MEGF9: variants seen among roughly 807,000 people sequenced by gnomAD.
MEGF9 encodes multiple EGF like domains 9.
A neutral mutation model predicts 46.8 loss-of-function variants in MEGF9; 6 were observed. That is an observed-to-expected ratio of 0.13 (90% CI 0.07 to 0.25). MEGF9 has a LOEUF of 0.25. Among genes scored for constraint, MEGF9 ranks in the 10% least tolerant of loss-of-function variants. MEGF9 has a pLI of 1.00. For missense variants in MEGF9, 683 were observed against 792.4 expected (o/e 0.86, Z 1.66); for synonymous variants, 302 against 330.7 (o/e 0.91, Z 0.94).
chr9:120,706,871 G>A (rs918852735), intron 1 of MEGF9, among the ~76,000 whole-genome samples: 8 of 152,100 alleles, frequency 5.3e-5, no homozygotes, highest in African/African-American at 1.7e-4. Context: ...GAAAATTCTG[G>A]GAGATGAATG....
At position 120,604,353 on chromosome 9, in the gene MEGF9, A is replaced by C. The variant is rs191156105; in HGVS notation, c.*837T>G. 20 of 152,630 alleles carry C rather than the reference A, an allele frequency of 1.3e-4. No homozygotes were observed. The highest frequency in any genetic ancestry group is 4.3e-4 in the African/African-American group (18 of 41,572). 9.5% of individuals were successfully genotyped at this position (152,630 alleles called of 1,614,324 possible). On this transcript the variant is annotated 3_prime_UTR_variant, in exon 6 of 6. Transcript: ENST00000373930. ...CAATCCCCATATTTTTCTTTTTACA[A>C]CACCATTAACTGCTGTACAAATAAA...
At chr9:120,624,872 CAA>C (rs35120272) in intron 2 of MEGF9, among the ~76,000 whole-genome samples, 8,298 of 104,068 alleles carry the variant, frequency 0.08, 665 homozygotes, top group African/African-American at 0.27. Flanking sequence ...GACTCCGTCT[CAA>C]AAAAAAAAAA....
rs568461124 is a variant in MEGF9, at chr9:120,604,852, G to A, written c.*338C>T. ...TTTCCCCCTCCACATTCATCATCTTGTTACCACTGGCTTGGTGAATGCTTC... is the reference window on the plus strand; with the variant it reads ...TTTCCCCCTCCACATTCATCATCTTATTACCACTGGCTTGGTGAATGCTTC... On this transcript the variant is annotated 3_prime_UTR_variant, in exon 6 of 6. Transcript: ENST00000373930. The A allele has an allele frequency of 1.2e-5, 3 of 251,010 alleles. No homozygotes were observed. The highest frequency in any genetic ancestry group is 1.5e-5 in the Non-Finnish European group (2 of 130,236). 15.5% of individuals were successfully genotyped at this position (251,010 alleles called of 1,614,324 possible).
At chr9:120,704,373 C>T (rs904810223) in intron 1 of MEGF9, among the ~76,000 whole-genome samples, 2 of 151,940 alleles carry the variant, frequency 1.3e-5, no homozygotes, top group African/African-American at 4.8e-5. Context: ...TGAGCCCTCA[C>T]AGTCAAGTTC....
At chr9:120,615,581 T>C (rs1315935937) in intron 3 of MEGF9, among the ~76,000 whole-genome samples, 1 of 151,284 alleles carries the variant, frequency 6.6e-6, no homozygotes, top group East Asian at 1.9e-4. Context: ...ATCTCAAAAG[T>C]AAAAATGAAA....
chr9:120,663,969 G>A (rs995918017), intron 1 of MEGF9, among the ~76,000 whole-genome samples: 1 of 152,112 alleles, frequency 6.6e-6, no homozygotes, highest in African/African-American at 2.4e-5. Flanking sequence ...ACTGCTTTAA[G>A]TATTTGAAGA....
At chr9:120,653,636 T>C (rs2043663590) in intron 2 of MEGF9, among the ~76,000 whole-genome samples, 1 of 152,150 alleles carries the variant, frequency 6.6e-6, no homozygotes, top group Non-Finnish European at 1.5e-5. Flanking sequence ...CTTCCCAAAG[T>C]GCTGGGATTA....
At chr9:120,633,872 T>C (rs1174842593) in intron 2 of MEGF9, among the ~76,000 whole-genome samples, 3 of 152,206 alleles carry the variant, frequency 2.0e-5, no homozygotes, top group African/African-American at 7.2e-5. Flanking sequence ...TATTAATTTT[T>C]GTGTATTTGT....
chr9:120,634,362 T>C (rs2043564041), intron 2 of MEGF9, among the ~76,000 whole-genome samples: 1 of 151,910 alleles, frequency 6.6e-6, no homozygotes, highest in Admixed American at 6.6e-5. Flanking sequence ...TGTCTCTTTT[T>C]ACAGTTTTTG....
At chr9:120,700,069 A>G (rs1322802555) in intron 1 of MEGF9, among the ~76,000 whole-genome samples, 6 of 152,216 alleles carry the variant, frequency 3.9e-5, no homozygotes, top group Admixed American at 3.9e-4. Context: ...TGTAACTTGG[A>G]AAGAATATTA....
chr9:120,661,123 G>A (rs1044566406), intron 1 of MEGF9, among the ~76,000 whole-genome samples: 7 of 152,122 alleles, frequency 4.6e-5, no homozygotes, highest in Non-Finnish European at 4.4e-5. Context: ...TTCCCACTTG[G>A]CCAACTCTAT....
chr9:120,605,477 C>T lies in MEGF9; in HGVS notation c.1522G>A (p.Val508Ile), dbSNP rs761800564. The T allele has an allele frequency of 2.5e-6, 4 of 1,613,888 alleles. No homozygotes were observed. In the African/African-American group the frequency reaches 4.0e-5, roughly 16 times the overall value. ...ATGATGTTAAATTGGGTCCATGATA[C>T]ATCAGCTAAAGCTGAAGTGCTGTTT... is the stretch of plus-strand genomic sequence containing the variant. ...SENSTSALADVSWTQFNIIIL... is the reference protein window; with the variant it reads ...SENSTSALADISWTQFNIIIL... Residue 508 changes from valine to isoleucine, a missense_variant, in exon 6 of 6, where the codon GTA becomes ATA. Around this residue, in one of 2 missense-constraint regions of MEGF9, gnomAD observed 313 missense variants for 421.1 expected, o/e 0.74. Coordinates refer to ENST00000373930, the MANE Select transcript of MEGF9 (RefSeq NM_001080497.3). This position sits in a 1 kb window ranked among gnomAD's most constrained non-coding sequence, Gnocchi z 4.0.
At chr9:120,645,953 C>A (rs1196533221) in intron 2 of MEGF9, among the ~76,000 whole-genome samples, 1 of 152,136 alleles carries the variant, frequency 6.6e-6, no homozygotes, top group Non-Finnish European at 1.5e-5. Context: ...AGATTCAATT[C>A]CTGCAGCCTG....
At position 120,713,910 on chromosome 9, in the gene MEGF9, G is replaced by A. The variant is rs372351909; in HGVS notation, c.449C>T (p.Thr150Met). The A allele has an allele frequency of 9.7e-6, 13 of 1,336,802 alleles. No homozygotes were observed. Among genetic ancestry groups the A allele is most frequent in the African/African-American group, 1.5e-5 (1 of 66,488 alleles). 82.8% of individuals were successfully genotyped at this position (1,336,802 alleles called of 1,614,324 possible). A position where few individuals can be genotyped will look rare whatever the true frequency, so the allele number is the denominator to read the frequency against. ...PTRPAPTTLS[T>M]TTGPAPTTPV... is the part of the protein sequence containing the mutation. ...GGTGGTCGGCGCCGGGCCAGTGGTC[G>A]TCGAAAGGGTGGTCGGCGCGGGTCT... The change falls in exon 1 of 6, where the codon ACG (threonine) becomes ATG (methionine). Residue 150 changes from threonine (T) to methionine (M), a missense_variant. Transcript: ENST00000373930.
chr9:120,672,698 C>G (rs928224323), intron 1 of MEGF9, among the ~76,000 whole-genome samples: 1 of 152,134 alleles, frequency 6.6e-6, no homozygotes, highest in African/African-American at 2.4e-5. Context: ...ATGTTTATTA[C>G]AAAAATTCCT....
chr9:120,628,598 A>C (rs536545247), intron 2 of MEGF9, among the ~76,000 whole-genome samples: 2 of 150,700 alleles, frequency 1.3e-5, no homozygotes, highest in South Asian at 4.2e-4. Context: ...ACGGTCATGC[A>C]ACGAGGGCCA....
chr9:120,714,380 C>T lies in MEGF9; in HGVS notation c.-22G>A, dbSNP rs1292982549. 2.3e-6 allele frequency: 3 copies of T among 1,283,844 alleles called. No individual in the cohort carries two copies. Among genetic ancestry groups the T allele is most frequent in the Non-Finnish European group, 3.0e-6 (3 of 1,016,646 alleles). 79.5% of individuals were successfully genotyped at this position (1,283,844 alleles called of 1,614,324 possible). A position where few individuals can be genotyped will look rare whatever the true frequency, so the allele number is the denominator to read the frequency against. On this transcript the variant is annotated 5_prime_UTR_variant, in exon 1 of 6. It removes the in-frame stop codon of an upstream open reading frame in the 5' UTR. Coordinates refer to ENST00000373930, the MANE Select transcript of MEGF9 (RefSeq NM_001080497.3). The stretch of plus-strand genomic sequence containing the variant: ...TCATTCATTCAGCCAGTCGGTTGGT[C>T]AGTCATCTTCTCCTCGTTGCAATCC...
intron 2 of MEGF9, among the ~76,000 whole-genome samples, chr9:120,645,805 C>G (rs549460334): frequency 6.6e-6 from 1 of 152,228 alleles, no homozygotes; most frequent in Admixed American, 6.5e-5. Context: ...AGGTAAAGGG[C>G]CTTTGGATTT....
intron 2 of MEGF9, among the ~76,000 whole-genome samples, chr9:120,652,748 T>C (rs1224135202): frequency 6.6e-6 from 1 of 152,168 alleles, no homozygotes; most frequent in Non-Finnish European, 1.5e-5. Flanking sequence ...ACCTTTGTGT[T>C]GGAAACATTC....
Sources: allele counts gnomAD v4.1 joint callset (sites outside exome capture counted in the v4.1 genomes callset), GRCh38; gene constraint gnomAD v4.1.1; regional missense constraint gnomAD v4.1.1; non-coding constraint Gnocchi (gnomAD v3.1); transcripts MANE v1.5; gene names NCBI Gene and HGNC (gene_info 2026-07-23, HGNC 2026-07-21).